Variants in ACAD11 observed in about 807,000 individuals in gnomAD.
ACAD11 encodes the protein acyl-Coenzyme A dehydrogenase family, member 11.
In ACAD11, 83 loss-of-function variants were observed where a neutral mutation model predicts 102.2. That is an observed-to-expected ratio of 0.81 (90% CI 0.68 to 0.97). The LOEUF is 0.97. Ranked by LOEUF, ACAD11 falls within the 50% of genes least tolerant of loss-of-function variation. The pLI is 0.00. For synonymous variants in ACAD11, 324 were observed against 319.8 expected, an observed-to-expected ratio of 1.01 and a Z score of -0.14; for missense variants, 901 against 951.7, an observed-to-expected ratio of 0.95 and a Z score of 0.70.
At chr3:132,640,215 A>G (rs1480737170) in intron 4 of ACAD11, among the ~76,000 whole-genome samples, 1 of 151,522 alleles carries the variant, frequency 6.6e-6, no homozygotes, top group African/African-American at 2.4e-5. Context: ...TCAGCCTCCT[A>G]AGTAGCTGGG....
chr3:132,622,044 T>C (rs77902958), intron 9 of ACAD11, among the ~76,000 whole-genome samples: 2,310 of 150,414 alleles, frequency 0.015, 44 homozygotes, highest in African/African-American at 0.053. Flanking sequence ...TAAAAGAATA[T>C]AGAACAAAAA....
At chr3:132,629,008 CT>C (rs1939930313) in intron 7 of ACAD11, among the ~76,000 whole-genome samples, 1 of 152,298 alleles carries the variant, frequency 6.6e-6, no homozygotes, top group South Asian at 2.1e-4. Flanking sequence ...ATCACTGTGT[CT>C]TCTTTATATA....
intron 11 of ACAD11, among the ~76,000 whole-genome samples, chr3:132,617,104 G>A (rs1939437623): frequency 6.6e-6 from 1 of 152,106 alleles, no homozygotes; most frequent in Admixed American, 6.6e-5. Flanking sequence ...GCAATACTGA[G>A]GCCTATCTTG....
intron 11 of ACAD11, among the ~76,000 whole-genome samples, chr3:132,613,776 G>C (rs1173852685): frequency 2.0e-5 from 3 of 152,016 alleles, no homozygotes; most frequent in Non-Finnish European, 2.9e-5. Context: ...GCAGGCTCCT[G>C]TGATCCCAGC....
chr3:132,620,105 C>T (rs373845970), intron 9 of ACAD11, among the ~76,000 whole-genome samples: 2 of 152,286 alleles, frequency 1.3e-5, no homozygotes, highest in African/African-American at 4.8e-5. Context: ...GCTCTTTCCT[C>T]CACCAAAGCT....
rs1049425978 is a variant in ACAD11, at chr3:132,561,154, G to A, written c.2065C>T (p.Leu689=). Residue 689 remains leucine, a synonymous_variant, in exon 18 of 20, where the codon CTG becomes TTG. Transcript: ENST00000264990. ...IAIEKIRLLT[L]KAAHSMDTLG... is the part of the protein sequence containing the mutation. ...GTGTCCATGCTGTGAGCAGCTTTCA[G>A]AGTCAACAAGCGGATCTTCTCAATG... is the stretch of plus-strand genomic sequence containing the variant. 1.2e-6 allele frequency: 2 copies of A among 1,613,512 alleles called. No individual in the cohort carries two copies. The highest frequency in any genetic ancestry group is 1.7e-5 in the Admixed American group (1 of 59,976).
At position 132,619,448 on chromosome 3, in the gene ACAD11, A is replaced by G. The variant is rs923025199; in HGVS notation, c.1275+20T>C. 6.5e-7 allele frequency: 1 copy of G among 1,531,944 alleles called. No individual in the cohort carries two copies. The highest frequency in any genetic ancestry group is 2.1e-5 in the Admixed American group (1 of 47,778). 94.9% of individuals were successfully genotyped at this position (1,531,944 alleles called of 1,614,324 possible). ...AAAAACACTTGCATATGAATTTTCT[A>G]GCGTTAAAGATTTTCTTACCTTGAG... On this transcript the variant is annotated intron_variant, in intron 10 of 19. Coordinates refer to ENST00000264990, the MANE Select transcript of ACAD11 (RefSeq NM_032169.5).
intron 1 of ACAD11, among the ~76,000 whole-genome samples, chr3:132,648,022 A>G (rs1940779260): frequency 6.6e-6 from 1 of 151,908 alleles, no homozygotes; most frequent in Non-Finnish European, 1.5e-5. Context: ...AAGACCCCCC[A>G]CCTCTTAATA....
At chr3:132,570,532 C>T (rs750834538) in intron 17 of ACAD11, among the ~76,000 whole-genome samples, 2 of 151,660 alleles carry the variant, frequency 1.3e-5, no homozygotes, top group South Asian at 2.1e-4. Context: ...CTTTTAAATT[C>T]GGGATACATG....
chr3:132,613,539 A>G (rs1939262069), intron 11 of ACAD11, among the ~76,000 whole-genome samples: 1 of 152,076 alleles, frequency 6.6e-6, no homozygotes, highest in South Asian at 2.1e-4. Context: ...AATGAAGGGT[A>G]TTCAGATAGG....
At chr3:132,633,460 G>A (rs1217267075) in intron 5 of ACAD11, among the ~76,000 whole-genome samples, 1 of 152,130 alleles carries the variant, frequency 6.6e-6, no homozygotes, top group Non-Finnish European at 1.5e-5. Context: ...TTGATGTGCT[G>A]CTGGATTCCG....
intron 17 of ACAD11, 110 bp downstream of exon 17, chr3:132,575,662 G>GA (rs1937511832): frequency 1.5e-6 from 2 of 1,327,360 alleles, no homozygotes; most frequent in East Asian, 4.9e-5. Context: ...TTATTGAAAA[G>GA]AATCACCCGG....
chr3:132,630,598 T>C, intron 6 of ACAD11, 40 bp from the exon 7 acceptor site: 1 of 1,556,066 alleles, frequency 6.4e-7, no homozygotes. Flanking sequence ...AATTAAAATG[T>C]CGTGGTGAAT....
intron 5 of ACAD11, 97 bp downstream of exon 5, chr3:132,639,395 T>A: frequency 1.7e-6 from 2 of 1,163,128 alleles, no homozygotes; most frequent in East Asian, 5.3e-5. Flanking sequence ...GAACAGGGAG[T>A]GGGTTGGGCT....
At chr3:132,615,282 C>T (rs1351914555) in intron 11 of ACAD11, among the ~76,000 whole-genome samples, 1 of 152,130 alleles carries the variant, frequency 6.6e-6, no homozygotes, top group East Asian at 1.9e-4. Context: ...CCTCAAGGAT[C>T]TAGAACCAGA....
chr3:132,641,599 A>AG (rs2107884469), intron 4 of ACAD11, among the ~76,000 whole-genome samples: 1 of 139,164 alleles, frequency 7.2e-6, no homozygotes, highest in South Asian at 2.5e-4. Flanking sequence ...AAGAAGAAGA[A>AG]GAAGAGGAGG....
chr3:132,607,686 G>C (rs192085931), intron 11 of ACAD11, among the ~76,000 whole-genome samples: 1 of 152,258 alleles, frequency 6.6e-6, no homozygotes, highest in Admixed American at 6.5e-5. Flanking sequence ...ATGGAACCAA[G>C]TTGGAAAACA....
At chr3:132,589,842 C>A (rs1236983901) in intron 13 of ACAD11, among the ~76,000 whole-genome samples, 1 of 152,116 alleles carries the variant, frequency 6.6e-6, no homozygotes, top group African/African-American at 2.4e-5. Flanking sequence ...CAATTGTTAT[C>A]TTTTCTGCTC....
intron 11 of ACAD11, among the ~76,000 whole-genome samples, chr3:132,606,876 G>T (rs1463338930): frequency 1.3e-5 from 2 of 152,188 alleles, no homozygotes; most frequent in Non-Finnish European, 2.9e-5. Context: ...CCTCAAACAG[G>T]ACAGCTCTGG....
Sources: gnomAD v4.1 joint callset for allele counts (sites outside exome capture counted in the v4.1 genomes callset) on GRCh38, gnomAD v4.1.1 for gene constraint, MANE v1.5 for transcripts, NCBI Gene and HGNC (gene_info 2026-07-23, HGNC 2026-07-21) for gene names.